The following SEC31A variants were observed in gnomAD, a reference collection of about 807,000 sequenced individuals.
SEC31A encodes protein transport protein Sec31A.
Under a neutral mutation model 151.0 loss-of-function variants are expected in SEC31A, and 70 were observed. That is an observed-to-expected ratio of 0.46 (90% CI 0.38 to 0.57). The LOEUF (loss-of-function observed/expected upper bound fraction) is 0.57. SEC31A is among the 20% of genes least tolerant of loss of function. The pLI, the probability that SEC31A is intolerant of heterozygous loss-of-function variation, is 0.00. For synonymous variants in SEC31A, 475 were observed against 505.9 expected (o/e 0.94, Z 0.82); for missense variants, 1,330 against 1,471.2 (o/e 0.90, Z 1.57).
chr4:82,849,380 C>T (rs566074350), intron 19 of SEC31A, among the ~76,000 whole-genome samples: 35 of 152,070 alleles, frequency 2.3e-4, no homozygotes, highest in African/African-American at 8.0e-4. Flanking sequence ...TTTGGGAGGC[C>T]GAGGCAGGCA....
intron 12 of SEC31A, 64 bp from the exon 13 acceptor site, chr4:82,862,636 T>C: frequency 7.1e-7 from 1 of 1,411,728 alleles, no homozygotes. Context: ...CAGCAAATGT[T>C]CACCTCTTGC....
intron 22 of SEC31A, among the ~76,000 whole-genome samples, chr4:82,839,074 T>A (rs1245786149): frequency 2.6e-5 from 4 of 152,194 alleles, no homozygotes; most frequent in African/African-American, 4.8e-5. Context: ...GCTCCGGAGT[T>A]CAAGCGATTC....
chr4:82,846,595 CAAG>C (rs1257292335), intron 20 of SEC31A, among the ~76,000 whole-genome samples: 1 of 152,000 alleles, frequency 6.6e-6, no homozygotes, highest in African/African-American at 2.4e-5. Flanking sequence ...AATGTGATGA[CAAG>C]AAGGAAGACT....
At chr4:82,838,197 A>AT (rs987766634) in intron 22 of SEC31A, among the ~76,000 whole-genome samples, 1 of 152,178 alleles carries the variant, frequency 6.6e-6, no homozygotes, top group Non-Finnish European at 1.5e-5. Flanking sequence ...GTTCATGAAA[A>AT]TTTTTTTAAA....
upstream of SEC31A, among the ~76,000 whole-genome samples, chr4:82,892,295 CA>C (rs1188680542): frequency 1.3e-5 from 2 of 152,222 alleles, no homozygotes; most frequent in Non-Finnish European, 2.9e-5. Context: ...GTCTTCAATT[CA>C]AACAAGTAAA....
intron 10 of SEC31A, 88 bp downstream of exon 10, chr4:82,866,720 G>A: frequency 2.6e-6 from 3 of 1,147,934 alleles, no homozygotes; most frequent in Non-Finnish European, 3.5e-6. Flanking sequence ...CTTAAACCCT[G>A]ATTGCTTCCA....
intron 18 of SEC31A, among the ~76,000 whole-genome samples, chr4:82,852,286 C>G (rs1228491132): frequency 1.3e-5 from 2 of 152,134 alleles, no homozygotes; most frequent in Non-Finnish European, 2.9e-5. Flanking sequence ...TTGGGTATTT[C>G]TTCATTGCAG....
chr4:82,866,847 C>T lies in SEC31A; in HGVS notation c.1158G>A (p.Pro386=), dbSNP rs141852697. Residue 386 remains proline, a synonymous_variant, in exon 10 of 27, where the codon CCG becomes CCA. Transcript: ENST00000395310. The part of the protein sequence containing the change: ...QHSIVLPLKK[P]PKWIRRPVGA... ...CAACAGGCCTTCGAATCCACTTGGG[C>T]GGCTTCTTCAGAGGCAGCACTATAC... The T allele has an allele frequency of 2.6e-5, 42 of 1,612,212 alleles. No homozygotes were observed. In the Admixed American group the frequency reaches 3.0e-4, roughly 12 times the overall value.
At chr4:82,857,643 T>C (rs762507809) in intron 15 of SEC31A, 46 bp downstream of exon 15, 6 of 1,234,390 alleles carry the variant, frequency 4.9e-6, no homozygotes, top group Non-Finnish European at 7.1e-6. Context: ...CTATTTGTTT[T>C]CCAATGGTTA....
chr4:82,845,062 TA>T (rs1385942885), intron 20 of SEC31A: 2 of 561,374 alleles, frequency 3.6e-6, no homozygotes, highest in Non-Finnish European at 6.1e-6. Flanking sequence ...TCTTGCATCC[TA>T]AAAGCATTAA....
chr4:82,867,052 TC>T, intron 9 of SEC31A, 92 bp from the exon 10 acceptor site: 1 of 1,545,162 alleles, frequency 6.5e-7, no homozygotes, highest in South Asian at 1.2e-5. Flanking sequence ...ATCACAATTG[TC>T]CAATTAACCA....
intron 20 of SEC31A, among the ~76,000 whole-genome samples, chr4:82,846,289 C>T (rs1730158150): frequency 6.6e-6 from 1 of 151,582 alleles, no homozygotes; most frequent in South Asian, 2.1e-4. Flanking sequence ...AGGCGTGAGC[C>T]ACCACGCCCG....
At chr4:82,861,337 A>G (rs1734080846) in intron 14 of SEC31A, among the ~76,000 whole-genome samples, 1 of 152,226 alleles carries the variant, frequency 6.6e-6, no homozygotes, top group African/African-American at 2.4e-5. Flanking sequence ...GGATGTTTGA[A>G]TAAAATCTCT....
At chr4:82,853,220 T>G (rs1466915338) in intron 18 of SEC31A, among the ~76,000 whole-genome samples, 1 of 152,212 alleles carries the variant, frequency 6.6e-6, no homozygotes, top group Non-Finnish European at 1.5e-5. Context: ...CCTATTCCTT[T>G]ACCCACATTG....
rs1176249500 is a variant in SEC31A at position 82,846,713 on chromosome 4, TTTTG to T, written c.2502+2087_2502+2090del. Among the ~76,000 whole-genome samples the T allele has an allele frequency of 7.0e-4, 39 of 55,370 alleles. No individual in the cohort carries two copies. The South Asian group carries it at 0.019, about 27-fold the overall frequency. 36.3% of individuals were successfully genotyped at this position (55,370 alleles called of 152,430 possible). ...TTTTTTCTAGCTTACTTCATTATTT[TTTTG>T]TTTGTTTGTTTTGAGACAGAGTTTT... On this transcript the variant is annotated intron_variant, in intron 20 of 26. Transcript: ENST00000395310.
At chr4:82,865,536 GTATATATATATATATATATA>G (rs55681370) in intron 10 of SEC31A, among the ~76,000 whole-genome samples, 92 of 137,234 alleles carry the variant, frequency 6.7e-4, no homozygotes, top group East Asian at 2.2e-3. Flanking sequence ...AAAAAATGTG[GTATATATATATATATATATA>G]TATATATATA....
At chr4:82,832,302 T>C (rs896349561) in intron 22 of SEC31A, among the ~76,000 whole-genome samples, 1 of 152,108 alleles carries the variant, frequency 6.6e-6, no homozygotes, top group Non-Finnish European at 1.5e-5. Flanking sequence ...ACACAAGCAA[T>C]GGGGAAAAGA....
chr4:82,861,737 A>T (rs778818316), intron 13 of SEC31A, 29 bp from the exon 14 acceptor site: 1 of 1,507,806 alleles, frequency 6.6e-7, no homozygotes, highest in Non-Finnish European at 9.2e-7. Context: ...TTACAGGGGA[A>T]GGTGAAGAAT....
rs1452034674 is a variant in SEC31A, at chr4:82,837,168, T to TATATAC, written c.2968+4971_2968+4972insGTATAT. On this transcript the variant is annotated intron_variant, in intron 22 of 26. Transcript: ENST00000395310. ...TAAAATAAATTTTATCATATATATA[T>TATATAC]ATATATATATATATATATATATATA... Among the ~76,000 whole-genome samples the TATATAC allele has an allele frequency of 1.2e-4, 5 of 41,230 alleles. 1 individual carries two copies. Among genetic ancestry groups the TATATAC allele is most frequent in the Non-Finnish European group, 3.2e-4 (4 of 12,448 alleles). 27.0% of individuals were successfully genotyped at this position (41,230 alleles called of 152,430 possible).
Sources: allele counts gnomAD v4.1 joint callset (sites outside exome capture counted in the v4.1 genomes callset), GRCh38; gene constraint gnomAD v4.1.1; transcripts MANE v1.5; gene names NCBI Gene and HGNC (gene_info 2026-07-23, HGNC 2026-07-21).